Variants in PRIM2 observed in about 807,000 individuals in gnomAD.
PRIM2 encodes DNA primase subunit 2, also known as DNA primase large subunit.
In PRIM2, 39 loss-of-function variants were observed where a neutral mutation model predicts 67.3. The observed-to-expected ratio is 0.58, with a 90% CI of 0.45 to 0.76. The LOEUF is 0.76. Among genes scored for constraint, PRIM2 ranks in the 30% least tolerant of loss-of-function variants. The probability of loss-of-function intolerance (pLI) is 0.00; values close to 1 mark genes in which losing one functional copy is unlikely to be tolerated. For synonymous variants in PRIM2, 143 were observed against 198.7 expected, an observed-to-expected ratio of 0.72 and a Z score of 2.36; for missense variants, 398 against 598.7, an observed-to-expected ratio of 0.66 and a Z score of 3.50.
the PRIM2 span, among the ~76,000 whole-genome samples, chr6:57,254,709 A>G: frequency 4.1e-5 from 2 of 49,162 alleles, no homozygotes; most frequent in South Asian, 2.2e-3. Flanking sequence ...GACCTCCACA[A>G]ACAAGTTTAT....
the PRIM2 span, among the ~76,000 whole-genome samples, chr6:57,245,019 T>C: frequency 6.6e-6 from 1 of 152,200 alleles, no homozygotes; most frequent in Non-Finnish European, 1.5e-5. Context: ...GCTGCAGGGA[T>C]GGCTCCCGGC....
chr6:57,467,850 T>C (rs1773243134), intron 7 of PRIM2, among the ~76,000 whole-genome samples: 1 of 152,220 alleles, frequency 6.6e-6, no homozygotes, highest in South Asian at 2.1e-4. Context: ...TCACATTCCC[T>C]TGGAAGTTGT....
intron 7 of PRIM2, among the ~76,000 whole-genome samples, chr6:57,397,317 G>C (rs1000303312): frequency 3.3e-5 from 5 of 152,076 alleles, no homozygotes; most frequent in African/African-American, 1.2e-4. Flanking sequence ...TCTTAGGTTT[G>C]CTTGTTTAAC....
At chr6:57,593,376 C>T (rs1481231001) in intron 10 of PRIM2, among the ~76,000 whole-genome samples, 2 of 151,712 alleles carry the variant, frequency 1.3e-5, no homozygotes, top group African/African-American at 2.4e-5. Flanking sequence ...AATCTTGGCT[C>T]ACTGCAACCT....
At chr6:57,274,975 C>T in the PRIM2 span, among the ~76,000 whole-genome samples, 57 of 141,804 alleles carry the variant, frequency 4.0e-4, no homozygotes, top group Non-Finnish European at 6.1e-4. Context: ...CTAGGAGAGA[C>T]GGGGTTTCAC....
intron 5 of PRIM2, among the ~76,000 whole-genome samples, chr6:57,327,101 A>T (rs533681397): frequency 6.6e-6 from 1 of 151,974 alleles, no homozygotes; most frequent in African/African-American, 2.4e-5. Context: ...TAGTTTTGCC[A>T]TGTTGGCCAG....
chr6:57,321,931 C>T (rs1767673189), intron 3 of PRIM2, among the ~76,000 whole-genome samples: 1 of 152,052 alleles, frequency 6.6e-6, no homozygotes. Context: ...TGCTTTTAAC[C>T]ACAATAGTTT....
chr6:57,475,768 T>C (rs1773463212), intron 7 of PRIM2, among the ~76,000 whole-genome samples: 1 of 152,334 alleles, frequency 6.6e-6, no homozygotes. Context: ...TGCACATTTA[T>C]CACATTTTTA....
Position 57,382,276 on chromosome 6 carries a change from A to G in PRIM2, c.693+108A>G, listed in dbSNP as rs1164932267. Reference sequence around the variant, plus strand: ...TAGGAAATAAGTTAATTCAGTTTTCATAATGATATTCAGATTACATATGAT... The same window carrying G: ...TAGGAAATAAGTTAATTCAGTTTTCGTAATGATATTCAGATTACATATGAT... On this transcript the variant is annotated intron_variant, in intron 7 of 13. Transcript: ENST00000615550. 3 of 1,233,380 alleles carry G rather than the reference A, an allele frequency of 2.4e-6. No homozygotes were observed. In the African/African-American group the frequency reaches 4.5e-5, roughly 18 times the overall value. 76.4% of individuals were successfully genotyped at this position (1,233,380 alleles called of 1,614,324 possible).
intron 12 of PRIM2, among the ~76,000 whole-genome samples, chr6:57,625,720 A>G (rs1776939025): frequency 6.6e-6 from 1 of 152,242 alleles, no homozygotes; most frequent in African/African-American, 2.4e-5. Context: ...TTGGAAGTAG[A>G]ATTGACTCAG....
intron 7 of PRIM2, among the ~76,000 whole-genome samples, chr6:57,415,804 A>C (rs532398029): frequency 1.3e-5 from 2 of 152,352 alleles, no homozygotes; most frequent in Non-Finnish European, 1.5e-5. Flanking sequence ...TTCTTTGCTC[A>C]TCCATGGGAA....
At chr6:57,318,224 C>T (rs943441169) in intron 1 of PRIM2, among the ~76,000 whole-genome samples, 1 of 152,172 alleles carries the variant, frequency 6.6e-6, no homozygotes, top group African/African-American at 2.4e-5. Context: ...AGCGCCTCTC[C>T]CACCCCCATT....
intron 10 of PRIM2, among the ~76,000 whole-genome samples, chr6:57,554,910 T>C (rs1211076721): frequency 7.9e-5 from 12 of 152,246 alleles, no homozygotes; most frequent in Admixed American, 7.9e-4. Flanking sequence ...CTTTTCTGAC[T>C]GTTGAGTATA....
At chr6:57,509,547 T>G (rs1774318944) in intron 8 of PRIM2, among the ~76,000 whole-genome samples, 1 of 152,102 alleles carries the variant, frequency 6.6e-6, no homozygotes, top group Non-Finnish European at 1.5e-5. Context: ...GCCTCTCCAA[T>G]TTCATTCTGG....
chr6:57,283,528 T>A, the PRIM2 span, among the ~76,000 whole-genome samples: 1 of 152,208 alleles, frequency 6.6e-6, no homozygotes, highest in East Asian at 1.9e-4. Flanking sequence ...AAGATTAATA[T>A]AGCGTTAAGT....
At chr6:57,325,583 G>A (rs893077157) in intron 4 of PRIM2, among the ~76,000 whole-genome samples, 1 of 152,112 alleles carries the variant, frequency 6.6e-6, no homozygotes, top group Non-Finnish European at 1.5e-5. Flanking sequence ...CATGAACCAC[G>A]ACGCCCAGCC....
chr6:57,272,693 C>T, the PRIM2 span, among the ~76,000 whole-genome samples: 3 of 152,116 alleles, frequency 2.0e-5, no homozygotes, highest in Non-Finnish European at 2.9e-5. Context: ...CTATTTTGCT[C>T]GTTAGTTGAT....
chr6:57,592,027 A>G (rs1776289974), intron 10 of PRIM2, among the ~76,000 whole-genome samples: 1 of 152,164 alleles, frequency 6.6e-6, no homozygotes, highest in South Asian at 2.1e-4. Flanking sequence ...ATCAGCATGG[A>G]TGCAGCTGGA....
intron 10 of PRIM2, among the ~76,000 whole-genome samples, chr6:57,542,906 TA>T (rs2127472185): frequency 6.7e-6 from 1 of 149,272 alleles, no homozygotes; most frequent in Non-Finnish European, 1.5e-5. Flanking sequence ...TTAAGAGGTA[TA>T]AAAATTGTTG....
Sources: allele counts gnomAD v4.1 joint callset (sites outside exome capture counted in the v4.1 genomes callset), GRCh38; gene constraint gnomAD v4.1.1; transcripts MANE v1.5; gene names NCBI Gene and HGNC (gene_info 2026-07-23, HGNC 2026-07-21).